The following ABI3BP variants were observed in gnomAD, a reference collection of about 807,000 sequenced individuals.
ABI3BP encodes the protein target of Nesh-SH3.
Under a neutral mutation model 268.6 loss-of-function variants are expected in ABI3BP, and 216 were observed. The ratio of observed to expected loss-of-function variants is 0.80; its 90% CI spans 0.72 to 0.90. The LOEUF (loss-of-function observed/expected upper bound fraction) is 0.90, where lower values mean the gene tolerates loss of function less well. Ranked by LOEUF, ABI3BP falls within the 40% of genes least tolerant of loss-of-function variation. ABI3BP has a pLI of 0.00. For missense variants in ABI3BP, 2,090 were observed against 2,182.4 expected (o/e 0.96, Z 0.84); for synonymous variants, 730 against 730.0 (o/e 1.00, Z 0.00).
intron 1 of ABI3BP, among the ~76,000 whole-genome samples, chr3:100,933,635 A>ATATATG (rs766471116): frequency 2.1e-4 from 32 of 150,068 alleles, no homozygotes; most frequent in Non-Finnish European, 4.2e-4. Context: ...TATTTGCAAT[A>ATATATG]TATATATATA....
chr3:100,901,985 T>C (rs1211184883), intron 3 of ABI3BP, among the ~76,000 whole-genome samples: 1 of 152,288 alleles, frequency 6.6e-6, no homozygotes, highest in African/African-American at 2.4e-5. Flanking sequence ...TATTTATATA[T>C]CCACTTTCCT....
chr3:100,953,370 T>C lies in ABI3BP; in HGVS notation c.80-26889A>G, dbSNP rs187208828. On this transcript the variant is annotated intron_variant, in intron 1 of 67. Coordinates refer to ENST00000471714, the MANE Select transcript of ABI3BP (RefSeq NM_001375547.2). ...CAGAATCAAGGTCAGAATAAGGCTATACTCATAAATGAAGAAAAAATAGAC... is the reference window on the plus strand; with the variant it reads ...CAGAATCAAGGTCAGAATAAGGCTACACTCATAAATGAAGAAAAAATAGAC... Among the ~76,000 whole-genome samples, 396 of 152,288 alleles carry C rather than the reference T, an allele frequency of 2.6e-3. 2 individuals are homozygous for C. The highest frequency in any genetic ancestry group is 7.0e-3 in the South Asian group (34 of 4,826).
At chr3:100,764,531 G>T (rs1392588241) in intron 63 of ABI3BP, among the ~76,000 whole-genome samples, 2 of 152,180 alleles carry the variant, frequency 1.3e-5, no homozygotes, top group Non-Finnish European at 2.9e-5. Flanking sequence ...ACTGTGAGAA[G>T]ATCTGAGGAC....
At chr3:100,958,258 C>CACCAAGAAATG (rs1234539194) in intron 1 of ABI3BP, among the ~76,000 whole-genome samples, 37 of 152,256 alleles carry the variant, frequency 2.4e-4, no homozygotes, top group African/African-American at 8.7e-4. Flanking sequence ...GTGCTAAAAA[C>CACCAAGAAATG]AGTAAGTTGA....
intron 36 of ABI3BP, among the ~76,000 whole-genome samples, chr3:100,824,096 G>T (rs1177524610): frequency 6.6e-6 from 1 of 152,118 alleles, no homozygotes; most frequent in East Asian, 1.9e-4. Context: ...TCTGCCCTCA[G>T]CCCAGAATAA....
intron 30 of ABI3BP, 124 bp from the exon 31 acceptor site, chr3:100,832,474 G>A (rs752924401): frequency 2.5e-4 from 244 of 958,480 alleles, no homozygotes; most frequent in African/African-American, 1.8e-4. Context: ...TGTCATTTTC[G>A]TTTGAAATTT....
intron 4 of ABI3BP, among the ~76,000 whole-genome samples, chr3:100,893,658 T>C (rs1229092127): frequency 2.0e-5 from 3 of 151,822 alleles, no homozygotes; most frequent in African/African-American, 7.3e-5. Context: ...GAATTCAGAA[T>C]GTGGGAGCCA....
chr3:100,962,735 C>T (rs1227214137), intron 1 of ABI3BP, among the ~76,000 whole-genome samples: 2 of 152,200 alleles, frequency 1.3e-5, no homozygotes, highest in Non-Finnish European at 2.9e-5. Flanking sequence ...TCTGTCTCTC[C>T]ATAAGCTCAA....
chr3:100,852,788 GA>G (rs1216461597), intron 14 of ABI3BP, among the ~76,000 whole-genome samples: 1 of 152,180 alleles, frequency 6.6e-6, no homozygotes, highest in Non-Finnish European at 1.5e-5. Context: ...AAAGTAGTAT[GA>G]GCTTAAATAT....
intron 65 of ABI3BP, 68 bp downstream of exon 65, chr3:100,753,751 G>A (rs2095465636): frequency 5.2e-6 from 8 of 1,539,710 alleles, no homozygotes; most frequent in South Asian, 4.7e-5. Flanking sequence ...TTCAGATTCT[G>A]CCATGCCTGT....
At chr3:100,756,088 C>T (rs1289505970) in intron 63 of ABI3BP, among the ~76,000 whole-genome samples, 1 of 152,198 alleles carries the variant, frequency 6.6e-6, no homozygotes, top group African/African-American at 2.4e-5. Flanking sequence ...TGAATGCTTA[C>T]TATGTATCAG....
intron 44 of ABI3BP, among the ~76,000 whole-genome samples, chr3:100,814,879 G>T (rs2097976194): frequency 6.6e-6 from 1 of 152,142 alleles, no homozygotes; most frequent in Non-Finnish European, 1.5e-5. Flanking sequence ...CCACTGGATA[G>T]ATCTCCCTCA....
At chr3:100,987,161 G>T (rs1377959327) in intron 1 of ABI3BP, among the ~76,000 whole-genome samples, 1 of 152,088 alleles carries the variant, frequency 6.6e-6, no homozygotes, top group African/African-American at 2.4e-5. Flanking sequence ...ATTGCAATCA[G>T]GGAACAGCAA....
At chr3:100,900,490 A>G (rs2049790438) in intron 3 of ABI3BP, among the ~76,000 whole-genome samples, 1 of 152,192 alleles carries the variant, frequency 6.6e-6, no homozygotes, top group South Asian at 2.1e-4. Flanking sequence ...TTTTATTTTT[A>G]TGATATCACT....
intron 2 of ABI3BP, among the ~76,000 whole-genome samples, chr3:100,904,273 G>GGA (rs1304938263): frequency 1.3e-5 from 2 of 152,092 alleles, no homozygotes; most frequent in Non-Finnish European, 2.9e-5. Flanking sequence ...GCTTAGAAAA[G>GGA]CCCTATGCTT....
chr3:100,825,002 G>T (rs1291424430), intron 35 of ABI3BP, 61 bp from the exon 36 acceptor site: 2 of 1,400,564 alleles, frequency 1.4e-6, no homozygotes, highest in Admixed American at 2.2e-5. Context: ...CTGAGGAAAG[G>T]TTTTTCCAAA....
intron 1 of ABI3BP, among the ~76,000 whole-genome samples, chr3:100,934,021 T>C (rs1159198744): frequency 6.6e-6 from 1 of 152,042 alleles, no homozygotes; most frequent in East Asian, 1.9e-4. Flanking sequence ...CTGGGGTACA[T>C]GTGCAGAACG....
rs758899653 is a variant in ABI3BP at position 100,752,692 on chromosome 3, G to A, written c.5122+95C>T. ...AAACTTGTGTTTACAGCACCCATTC[G>A]TGCCTGAAACTCTTAAGAAAAGGCC... On this transcript the variant is annotated intron_variant, in intron 66 of 67. Transcript: ENST00000471714. 47 of 1,359,500 alleles carry A rather than the reference G, an allele frequency of 3.5e-5. 1 individual carries two copies. The highest frequency in any genetic ancestry group is 2.5e-4 in the African/African-American group (17 of 69,140). The allele number at this position is 1,359,500 out of a possible 1,614,324, so 84.2% of individuals were successfully genotyped here.
intron 51 of ABI3BP, among the ~76,000 whole-genome samples, chr3:100,804,515 G>A (rs9290224): frequency 0.09 from 13,722 of 152,134 alleles, 946 homozygotes; most frequent in African/African-American, 0.19. Context: ...AGAATTGGCA[G>A]CATTTTTTGT....
Sources: allele counts gnomAD v4.1 joint callset (sites outside exome capture counted in the v4.1 genomes callset), GRCh38; gene constraint gnomAD v4.1.1; transcripts MANE v1.5; gene names NCBI Gene and HGNC (gene_info 2026-07-23, HGNC 2026-07-21).